Variants in KIAA1217 observed in about 807,000 individuals in gnomAD.
The protein encoded by KIAA1217 is sickle tail protein homolog.
Under a neutral mutation model 163.9 loss-of-function variants are expected in KIAA1217, and 88 were observed. The observed-to-expected ratio is 0.54, with a 90% CI of 0.45 to 0.64. The LOEUF is 0.64. Ranked by LOEUF, KIAA1217 falls within the 30% of genes least tolerant of loss-of-function variation. KIAA1217 has a pLI of 0.00. For synonymous variants in KIAA1217, 903 were observed against 923.1 expected (o/e 0.98, Z 0.39); for missense variants, 2,372 against 2,475.0 (o/e 0.96, Z 0.88).
chr10:24,071,769 C>G (rs940070632), intron 2 of KIAA1217, among the ~76,000 whole-genome samples: 2 of 152,030 alleles, frequency 1.3e-5, no homozygotes, highest in African/African-American at 4.8e-5. Flanking sequence ...CCTGAAGAGG[C>G]ATTATTGCCC....
chr10:24,045,779 G>C (rs1256358086), intron 2 of KIAA1217, among the ~76,000 whole-genome samples: 1 of 152,094 alleles, frequency 6.6e-6, no homozygotes, highest in Non-Finnish European at 1.5e-5. Context: ...CATGTTTCAT[G>C]ATGAGGGTAA....
intron 5 of KIAA1217, among the ~76,000 whole-genome samples, chr10:24,469,146 CAGAG>C (rs1189501229): frequency 1.4e-5 from 2 of 145,662 alleles, no homozygotes; most frequent in Non-Finnish European, 3.1e-5. Context: ...TTATTGGAGA[CAGAG>C]AGTCTTGCTG....
At chr10:23,937,699 G>A (rs900617175) in intron 1 of KIAA1217, among the ~76,000 whole-genome samples, 1 of 152,078 alleles carries the variant, frequency 6.6e-6, no homozygotes, top group African/African-American at 2.4e-5. Flanking sequence ...TAAGTAAATG[G>A]GAACTTCTGC....
chr10:24,444,134 T>C (rs138855116), intron 5 of KIAA1217, among the ~76,000 whole-genome samples: 1 of 152,028 alleles, frequency 6.6e-6, no homozygotes, highest in Non-Finnish European at 1.5e-5. Flanking sequence ...CCTTAGCCTC[T>C]TGAGTAGCCG....
chr10:24,136,785 A>T (rs2131821930), intron 2 of KIAA1217, among the ~76,000 whole-genome samples: 1 of 152,354 alleles, frequency 6.6e-6, no homozygotes, highest in African/African-American at 2.4e-5. Flanking sequence ...CTGAGCATTT[A>T]ACTAGCCCTT....
chr10:24,357,131 AT>A (rs577651709), intron 2 of KIAA1217, among the ~76,000 whole-genome samples: 135 of 152,280 alleles, frequency 8.9e-4, no homozygotes, highest in African/African-American at 2.5e-3. Flanking sequence ...ACGGCCAGCC[AT>A]TATGGAAACT....
At chr10:24,424,290 C>T (rs1379345682) in intron 3 of KIAA1217, among the ~76,000 whole-genome samples, 1 of 152,132 alleles carries the variant, frequency 6.6e-6, no homozygotes, top group Non-Finnish European at 1.5e-5. Context: ...CACCCTTGTT[C>T]AAATCGCTGC....
chr10:23,872,556 T>C (rs1053611646), intron 1 of KIAA1217, among the ~76,000 whole-genome samples: 3 of 152,096 alleles, frequency 2.0e-5, no homozygotes, highest in Admixed American at 6.6e-5. Context: ...CTAGCTGGTG[T>C]TCACATTAAG....
intron 2 of KIAA1217, among the ~76,000 whole-genome samples, chr10:24,252,075 G>A (rs1404558574): frequency 6.6e-6 from 1 of 152,002 alleles, no homozygotes; most frequent in Non-Finnish European, 1.5e-5. Context: ...ACATTCATAG[G>A]TTGTTCATGG....
At chr10:24,314,497 A>G (rs2043106367) in intron 2 of KIAA1217, among the ~76,000 whole-genome samples, 2 of 152,200 alleles carry the variant, frequency 1.3e-5, no homozygotes. Context: ...ACACGTGTAC[A>G]TGTGCTCACG....
intron 2 of KIAA1217, among the ~76,000 whole-genome samples, chr10:24,371,766 A>G (rs1460050800): frequency 6.6e-6 from 1 of 152,260 alleles, no homozygotes; most frequent in Non-Finnish European, 1.5e-5. Flanking sequence ...GAATACATTC[A>G]GGTCACCATA....
intron 2 of KIAA1217, among the ~76,000 whole-genome samples, chr10:24,177,359 G>GTA (rs2065958906): frequency 1.9e-5 from 2 of 107,930 alleles, no homozygotes; most frequent in South Asian, 5.6e-4. Flanking sequence ...TTTATCATAT[G>GTA]TGTATATATA....
chr10:24,430,385 C>T (rs1017527720), intron 3 of KIAA1217, among the ~76,000 whole-genome samples: 2 of 152,176 alleles, frequency 1.3e-5, no homozygotes, highest in African/African-American at 4.8e-5. Flanking sequence ...GAGAGATGGA[C>T]ATTTGCTACA....
At chr10:23,975,515 A>G (rs574228105) in intron 1 of KIAA1217, among the ~76,000 whole-genome samples, 1 of 152,230 alleles carries the variant, frequency 6.6e-6, no homozygotes, top group African/African-American at 2.4e-5. Flanking sequence ...ATTAAAATGC[A>G]CAGGCCAATG....
intron 1 of KIAA1217, among the ~76,000 whole-genome samples, chr10:23,772,147 G>T (rs1386391148): frequency 6.6e-6 from 1 of 152,176 alleles, no homozygotes; most frequent in Non-Finnish European, 1.5e-5. Context: ...AATCTAAATT[G>T]TGTAATCTCA....
intron 1 of KIAA1217, among the ~76,000 whole-genome samples, chr10:24,213,619 T>TG (rs1248522414): frequency 3.3e-5 from 5 of 152,206 alleles, no homozygotes; most frequent in Non-Finnish European, 1.5e-5. Context: ...AAGTCTGACT[T>TG]GATCTACTTC....
At chr10:24,315,990 G>C (rs533661857) in intron 2 of KIAA1217, among the ~76,000 whole-genome samples, 59 of 151,996 alleles carry the variant, frequency 3.9e-4, no homozygotes, top group African/African-American at 1.2e-3. Flanking sequence ...ATAAAGGGTA[G>C]TTCCCTGCTA....
intron 1 of KIAA1217, among the ~76,000 whole-genome samples, chr10:23,698,879 G>A (rs1250812173): frequency 2.0e-5 from 3 of 151,944 alleles, no homozygotes; most frequent in Non-Finnish European, 4.4e-5. Flanking sequence ...CAACCTCCTG[G>A]GCTCAAGCAA....
chr10:23,990,197 A>T (rs1846159783), intron 1 of KIAA1217, among the ~76,000 whole-genome samples: 1 of 152,186 alleles, frequency 6.6e-6, no homozygotes, highest in Non-Finnish European at 1.5e-5. Context: ...AGAGAGGAGG[A>T]GAACTATTTG....
Sources: gnomAD v4.1 joint callset for allele counts (sites outside exome capture counted in the v4.1 genomes callset) on GRCh38, gnomAD v4.1.1 for gene constraint, MANE v1.5 for transcripts, NCBI Gene and HGNC (gene_info 2026-07-23, HGNC 2026-07-21) for gene names.